NMNAT3: variants seen among roughly 807,000 people sequenced by gnomAD.
NMNAT3 encodes the protein nicotinamide nucleotide adenylyltransferase 3.
Under a neutral mutation model 24.8 loss-of-function variants are expected in NMNAT3, and 21 were observed. That is an observed-to-expected ratio of 0.85 (90% CI 0.60 to 1.22). The LOEUF (loss-of-function observed/expected upper bound fraction) is 1.22, where lower values mean the gene tolerates loss of function less well. Ranked by LOEUF, NMNAT3 falls within the 50% of genes most tolerant of loss-of-function variation. The pLI is 0.00. For synonymous variants in NMNAT3, 136 were observed against 155.2 expected (o/e 0.88, Z 0.92); for missense variants, 387 against 436.6 (o/e 0.89, Z 1.01).
intron 5 of NMNAT3, chr3:139,575,928 G>A: frequency 7.8e-7 from 1 of 1,288,310 alleles, no homozygotes; most frequent in Non-Finnish European, 1.0e-6. Flanking sequence ...TCCACAGATG[G>A]GAGCTCCACG....
intron 3 of NMNAT3, among the ~76,000 whole-genome samples, chr3:139,608,423 G>A (rs938214118): frequency 6.6e-6 from 1 of 152,190 alleles, no homozygotes; most frequent in Admixed American, 6.5e-5. Flanking sequence ...TCACACAACT[G>A]TTTTGAGGAT....
intron 5 of NMNAT3, among the ~76,000 whole-genome samples, chr3:139,574,707 T>C (rs572877100): frequency 1.6e-4 from 24 of 152,346 alleles, no homozygotes; most frequent in Admixed American, 6.5e-4. Flanking sequence ...CCCTGTAGCA[T>C]TGATACTCTC....
At chr3:139,639,284 A>T (rs1353531271) in intron 1 of NMNAT3, among the ~76,000 whole-genome samples, 1 of 152,220 alleles carries the variant, frequency 6.6e-6, no homozygotes, top group Non-Finnish European at 1.5e-5. Context: ...GAATGTATGG[A>T]TGAGGTCAAA....
At chr3:139,589,224 C>A (rs2054067227) in intron 3 of NMNAT3, among the ~76,000 whole-genome samples, 1 of 152,102 alleles carries the variant, frequency 6.6e-6, no homozygotes, top group African/African-American at 2.4e-5. Context: ...ACACAGTGAA[C>A]TAATAGAAAT....
At chr3:139,563,189 C>T (rs1463851740) in intron 6 of NMNAT3, among the ~76,000 whole-genome samples, 1 of 152,208 alleles carries the variant, frequency 6.6e-6, no homozygotes, top group Non-Finnish European at 1.5e-5. Flanking sequence ...ACACTTTTCA[C>T]TAATTTGGGC....
At position 139,564,245 on chromosome 3, in the gene NMNAT3, C is replaced by T. The variant is rs138568927; in HGVS notation, c.659-2853G>A. 2.4e-3 allele frequency among the ~76,000 whole-genome samples: 362 copies of T among 150,966 alleles called. 2 individuals carry two copies. The highest frequency in any genetic ancestry group is 8.4e-3 in the African/African-American group (348 of 41,522). ...CTGGCGCAGCATGTGAACACTGCCA[C>T]CAACAGTGATGTCTGTCATGGTACC... On this transcript the variant is annotated intron_variant, in intron 6 of 6. Coordinates refer to ENST00000643695, the MANE Select transcript of NMNAT3 (RefSeq NM_001320510.2).
At chr3:139,638,126 C>A (rs2056570417) in intron 1 of NMNAT3, 64 bp from the exon 2 acceptor site, 1 of 152,192 alleles carries the variant, frequency 6.6e-6, no homozygotes, top group Admixed American at 6.5e-5. Flanking sequence ...CCTCCCATCC[C>A]CATTACTGCC....
chr3:139,569,119 T>G (rs1458227543), intron 6 of NMNAT3: 3 of 152,222 alleles, frequency 2.0e-5, no homozygotes, highest in African/African-American at 7.2e-5. Context: ...TCTCTTTTGA[T>G]CTTTGTTGGT....
chr3:139,570,429 G>C (rs1184759721), intron 6 of NMNAT3: 1 of 152,178 alleles, frequency 6.6e-6, no homozygotes, highest in Non-Finnish European at 1.5e-5. Context: ...CTGATTTTTA[G>C]AGTTTCCAGT....
At chr3:139,644,908 A>G (rs531234916) in intron 1 of NMNAT3, among the ~76,000 whole-genome samples, 1 of 152,320 alleles carries the variant, frequency 6.6e-6, no homozygotes, top group Admixed American at 6.5e-5. Context: ...TGGCAATGTA[A>G]GAATACAGCT....
intron 5 of NMNAT3, chr3:139,576,114 T>A (rs1198264051): frequency 3.2e-6 from 4 of 1,246,170 alleles, no homozygotes; most frequent in Admixed American, 5.1e-5. Flanking sequence ...TGTTACTATG[T>A]CACTATGATG....
intron 2 of NMNAT3, chr3:139,635,884 G>A (rs1474535446): frequency 3.9e-5 from 6 of 152,222 alleles, no homozygotes; most frequent in South Asian, 4.1e-4. Context: ...GAATAGAAGT[G>A]TTAGGTCAGG....
At chr3:139,627,909 C>G (rs1289657624) in intron 2 of NMNAT3, 145 bp from the exon 4 acceptor site, 1 of 464,530 alleles carries the variant, frequency 2.2e-6, no homozygotes, top group Non-Finnish European at 3.8e-6. Flanking sequence ...GGAGGGTTGG[C>G]CATGGGCCAT....
chr3:139,560,946 C>A lies in NMNAT3; in HGVS notation c.*64G>T. The A allele has an allele frequency of 1.3e-6, 2 of 1,511,050 alleles. No homozygotes were observed. The highest frequency in any genetic ancestry group is 2.3e-5 in the East Asian group (1 of 43,980). 93.6% of individuals were successfully genotyped at this position (1,511,050 alleles called of 1,614,324 possible). On this transcript the variant is annotated 3_prime_UTR_variant, in exon 7 of 7. Coordinates refer to ENST00000643695, the MANE Select transcript of NMNAT3 (RefSeq NM_001320510.2). ...AGCAAAAACCAAAGTAAAACAGAAA[C>A]CTTAACAGCCCTCTCCCCAGCAGGA...
chr3:139,626,178 GT>G (rs1301993520), intron 3 of NMNAT3, among the ~76,000 whole-genome samples: 2 of 152,086 alleles, frequency 1.3e-5, no homozygotes, highest in African/African-American at 4.8e-5. Flanking sequence ...AGAAATTTCA[GT>G]TATTATTTCT....
chr3:139,583,018 G>A lies in NMNAT3; in HGVS notation c.300C>T (p.Ser100=). The A allele has an allele frequency of 6.2e-7, 1 of 1,606,298 alleles. No individual in the cohort carries two copies. The highest frequency in any genetic ancestry group is 2.2e-5 in the East Asian group (1 of 44,802). Residue 100 remains serine (S), a synonymous_variant, in exon 4 of 7, where the codon AGC becomes AGT. Coordinates refer to ENST00000643695, the MANE Select transcript of NMNAT3 (RefSeq NM_001320510.2). ...TTTTCAGTGTTGTGCCTTTGCACTTGCTGTCATTCAAATCACAGAACGCTT... is the reference window on the plus strand; with the variant it reads ...TTTTCAGTGTTGTGCCTTTGCACTTACTGTCATTCAAATCACAGAACGCTT...
intron 3 of NMNAT3, among the ~76,000 whole-genome samples, chr3:139,593,224 G>A (rs546796101): frequency 2.6e-5 from 4 of 152,246 alleles, no homozygotes; most frequent in African/African-American, 9.6e-5. Context: ...AGACAAAGAA[G>A]GCCATTACAT....
Position 139,612,576 on chromosome 3 carries a change from A to C in NMNAT3, c.109+15040T>G, listed in dbSNP as rs559452559. 2.0e-5 allele frequency among the ~76,000 whole-genome samples: 3 copies of C among 152,278 alleles called. No individual in the cohort carries two copies. The South Asian group carries it at 6.2e-4, about 32-fold the overall frequency. ...AAATGCATGCATCCCTCTTCTGGTG[A>C]AGTGGGCCTGAATGCTCAGAGTCAG... On this transcript the variant is annotated intron_variant, in intron 3 of 6. Transcript: ENST00000643695.
chr3:139,583,276 AC>A (rs1559873920), intron 3 of NMNAT3: 2 of 1,258,798 alleles, frequency 1.6e-6, no homozygotes, highest in Admixed American at 1.7e-5. Context: ...GTATAGCAGT[AC>A]TTTTACCATC....
Sources: gnomAD v4.1 joint callset for allele counts (sites outside exome capture counted in the v4.1 genomes callset) on GRCh38, gnomAD v4.1.1 for gene constraint, MANE v1.5 for transcripts, NCBI Gene and HGNC (gene_info 2026-07-23, HGNC 2026-07-21) for gene names.